Variants in WWOX observed in about 807,000 individuals in gnomAD.
The protein encoded by WWOX is WW domain containing oxidoreductase.
A neutral mutation model predicts 46.2 loss-of-function variants in WWOX; 69 were observed. That is an observed-to-expected ratio of 1.49 (90% CI 1.23 to 1.82). WWOX has a LOEUF of 1.82. Ranked by LOEUF, WWOX falls within the 40% of genes most tolerant of loss-of-function variation. The pLI is 0.00. For synonymous variants in WWOX, 359 were observed against 202.6 expected (o/e 1.77, Z -6.56); for missense variants, 919 against 542.6 (o/e 1.69, Z -6.89).
intron 8 of WWOX, among the ~76,000 whole-genome samples, chr16:79,121,160 C>G (rs559582170): frequency 3.3e-4 from 51 of 152,296 alleles, no homozygotes; most frequent in African/African-American, 1.2e-3. Flanking sequence ...TTTACTCACA[C>G]CTGCGTATAC....
At chr16:78,625,777 T>C (rs2046297756) in intron 8 of WWOX, among the ~76,000 whole-genome samples, 1 of 136,270 alleles carries the variant, frequency 7.3e-6, no homozygotes, top group South Asian at 2.4e-4. Flanking sequence ...TTTGCAGTTT[T>C]TGCCAGTACT....
At chr16:78,222,067 C>A (rs928601031) in intron 5 of WWOX, among the ~76,000 whole-genome samples, 1 of 152,162 alleles carries the variant, frequency 6.6e-6, no homozygotes, top group East Asian at 1.9e-4. Flanking sequence ...GAATTCGCCT[C>A]AGATGCCCCT....
rs1366686477 is a variant in WWOX at position 78,805,495 on chromosome 16, G to A, written c.1056+372743G>A. Among the ~76,000 whole-genome samples, 3 of 151,902 alleles carry A rather than the reference G, an allele frequency of 2.0e-5. No individual in the cohort carries two copies. In the East Asian group the frequency reaches 5.8e-4, roughly 29 times the overall value. On this transcript the variant is annotated intron_variant, in intron 8 of 8. Transcript: ENST00000566780. ...AGTCAGGGTTTCACAGTGTTATGCA[G>A]GATGGTCTCGATTTCCTGACATCGT...
At chr16:78,671,124 A>T (rs2047453420) in intron 8 of WWOX, among the ~76,000 whole-genome samples, 2 of 152,200 alleles carry the variant, frequency 1.3e-5, no homozygotes, top group Admixed American at 1.3e-4. Context: ...GAACTGTGAA[A>T]GAATAAATTG....
At chr16:78,574,679 A>G (rs1428851022) in intron 8 of WWOX, among the ~76,000 whole-genome samples, 11 of 151,866 alleles carry the variant, frequency 7.2e-5, no homozygotes. Flanking sequence ...ACATTATGTT[A>G]AGTCAAATAA....
chr16:78,188,216 G>A (rs557380706), intron 5 of WWOX, among the ~76,000 whole-genome samples: 4 of 152,162 alleles, frequency 2.6e-5, no homozygotes, highest in Admixed American at 1.3e-4. Flanking sequence ...TTGGCCGGGC[G>A]CGGGAGCTCA....
chr16:78,623,707 C>T (rs1393031520), intron 8 of WWOX, among the ~76,000 whole-genome samples: 1 of 149,768 alleles, frequency 6.7e-6, no homozygotes, highest in Non-Finnish European at 1.5e-5. Context: ...GCACCTCCAG[C>T]CTGGGCAACA....
chr16:79,178,277 G>C (rs550898983), intron 8 of WWOX, among the ~76,000 whole-genome samples: 1 of 152,286 alleles, frequency 6.6e-6, no homozygotes, highest in South Asian at 2.1e-4. Context: ...GGCAGGATTT[G>C]ACCCATGGGC....
intron 8 of WWOX, among the ~76,000 whole-genome samples, chr16:78,605,583 T>G (rs545573999): frequency 2.0e-5 from 3 of 152,202 alleles, no homozygotes; most frequent in Admixed American, 2.0e-4. Context: ...AACCAATGCC[T>G]GCCCTTTCTA....
chr16:78,143,168 G>C (rs1232614840), intron 4 of WWOX, among the ~76,000 whole-genome samples: 1 of 152,140 alleles, frequency 6.6e-6, no homozygotes, highest in Non-Finnish European at 1.5e-5. Context: ...TGAATACTTA[G>C]AAAATTTGTT....
chr16:78,307,010 A>C (rs2080147063), intron 5 of WWOX, among the ~76,000 whole-genome samples: 1 of 152,114 alleles, frequency 6.6e-6, no homozygotes, highest in Non-Finnish European at 1.5e-5. Flanking sequence ...TTCCTGTGAC[A>C]GTTCTCCATT....
chr16:78,653,950 CAGATAT>C (rs2047023258), intron 8 of WWOX, among the ~76,000 whole-genome samples: 1 of 152,194 alleles, frequency 6.6e-6, no homozygotes, highest in African/African-American at 2.4e-5. Flanking sequence ...TTTCACACTG[CAGATAT>C]TCTTACAAAA....
At chr16:79,130,742 C>G (rs139009182) in intron 8 of WWOX, among the ~76,000 whole-genome samples, 12 of 152,310 alleles carry the variant, frequency 7.9e-5, no homozygotes, top group Non-Finnish European at 1.8e-4. Context: ...GACTTGTAAT[C>G]GCCACAATGT....
chr16:79,182,290 C>T (rs776859274), intron 8 of WWOX, among the ~76,000 whole-genome samples: 1 of 151,806 alleles, frequency 6.6e-6, no homozygotes, highest in Non-Finnish European at 1.5e-5. Context: ...TGGCCCTGCC[C>T]CATGATATAC....
At chr16:78,787,147 C>T (rs551801575) in intron 8 of WWOX, among the ~76,000 whole-genome samples, 2 of 152,170 alleles carry the variant, frequency 1.3e-5, no homozygotes, top group East Asian at 3.9e-4. Flanking sequence ...GACTGTGTCT[C>T]AAAAACAAAA....
At chr16:78,687,970 G>A (rs1322914186) in intron 8 of WWOX, among the ~76,000 whole-genome samples, 4 of 152,104 alleles carry the variant, frequency 2.6e-5, no homozygotes, top group Non-Finnish European at 5.9e-5. Flanking sequence ...ATCTAGTGTG[G>A]TACAAATGAA....
intron 8 of WWOX, among the ~76,000 whole-genome samples, chr16:78,626,825 C>G (rs971857539): frequency 6.6e-6 from 1 of 152,140 alleles, no homozygotes; most frequent in Admixed American, 6.5e-5. Context: ...TCACGGTACA[C>G]TCATGGACAT....
At chr16:78,995,840 G>A (rs2046978474) in intron 8 of WWOX, among the ~76,000 whole-genome samples, 1 of 152,204 alleles carries the variant, frequency 6.6e-6, no homozygotes, top group Non-Finnish European at 1.5e-5. Flanking sequence ...TGGCCTGAAG[G>A]AAGTGTAAAA....
At chr16:78,956,638 C>T (rs148348386) in intron 8 of WWOX, among the ~76,000 whole-genome samples, 3 of 152,008 alleles carry the variant, frequency 2.0e-5, no homozygotes, top group Non-Finnish European at 2.9e-5. Flanking sequence ...CATATCATAC[C>T]GAATAATTTC....
Sources: gnomAD v4.1 joint callset for allele counts (sites outside exome capture counted in the v4.1 genomes callset) on GRCh38, gnomAD v4.1.1 for gene constraint, MANE v1.5 for transcripts, NCBI Gene and HGNC (gene_info 2026-07-23, HGNC 2026-07-21) for gene names.